ZEB1: variants seen among roughly 807,000 people sequenced by gnomAD.
The protein encoded by ZEB1 is zinc finger E-box binding homeobox 1.
In ZEB1, 21 loss-of-function variants were observed where a neutral mutation model predicts 84.9. That is an observed-to-expected ratio of 0.25 (90% CI 0.18 to 0.36). ZEB1 has a LOEUF of 0.36. Among genes scored for constraint, ZEB1 ranks in the 10% least tolerant of loss-of-function variants. ZEB1 has a pLI of 1.00. For synonymous variants in ZEB1, 420 were observed against 471.1 expected, an observed-to-expected ratio of 0.89 and a Z score of 1.41; for missense variants, 1,104 against 1,330.2, an observed-to-expected ratio of 0.83 and a Z score of 2.65.
At chr10:31,339,629 G>T (rs945730508) in intron 1 of ZEB1, among the ~76,000 whole-genome samples, 1 of 151,932 alleles carries the variant, frequency 6.6e-6, no homozygotes, top group African/African-American at 2.4e-5. Context: ...ACTTAGCCAG[G>T]TGTGGTGGTG....
chr10:31,374,653 A>C (rs2046288635), intron 1 of ZEB1: 1 of 151,820 alleles, frequency 6.6e-6, no homozygotes, highest in African/African-American at 2.4e-5. Flanking sequence ...AAAGCACAGA[A>C]CCTACACATT....
chr10:31,498,666 G>C lies in ZEB1; in HGVS notation c.322+2828G>C, dbSNP rs115629392. On this transcript the variant is annotated intron_variant, in intron 3 of 8. Coordinates refer to ENST00000424869, the MANE Select transcript of ZEB1 (RefSeq NM_001174096.2). The stretch of plus-strand genomic sequence containing the variant: ...AAATTTTTCATTTTAAATGTCAGTA[G>C]TTACAATTTAATTTCTGGCAGAGTA... Among the ~76,000 whole-genome samples, 847 of 151,926 alleles carry C rather than the reference G, an allele frequency of 5.6e-3. 12 individuals carry two copies. Among genetic ancestry groups the C allele is most frequent in the African/African-American group, 0.02 (812 of 41,466 alleles).
At chr10:31,409,091 G>T (rs1432947351) in intron 1 of ZEB1, among the ~76,000 whole-genome samples, 3 of 152,280 alleles carry the variant, frequency 2.0e-5, no homozygotes, top group African/African-American at 7.2e-5. Flanking sequence ...CAAAGGACAT[G>T]AACAGACACT....
At chr10:31,404,620 T>C (rs2052636601) in intron 1 of ZEB1, among the ~76,000 whole-genome samples, 1 of 150,296 alleles carries the variant, frequency 6.7e-6, no homozygotes, top group African/African-American at 2.5e-5. Context: ...TTATATCTCC[T>C]ATTCTTTTCT....
Position 31,435,335 on chromosome 10 carries a change from C to G in ZEB1, c.59-25702C>G, listed in dbSNP as rs191934628. On this transcript the variant is annotated intron_variant, in intron 1 of 8. Coordinates refer to ENST00000424869, the MANE Select transcript of ZEB1 (RefSeq NM_001174096.2). ...TTAGTCCAGTGAGACCCATATTGGG[C>G]ATCTAATTGTGAAATAATAAATGTA... Among the ~76,000 whole-genome samples, 197 of 152,302 alleles carry G rather than the reference C, an allele frequency of 1.3e-3. 1 individual carries two copies. The highest frequency in any genetic ancestry group is 4.3e-3 in the African/African-American group (180 of 41,564).
chr10:31,501,419 A>T (rs2068103300), intron 3 of ZEB1, among the ~76,000 whole-genome samples: 1 of 152,254 alleles, frequency 6.6e-6, no homozygotes, highest in African/African-American at 2.4e-5. Flanking sequence ...TTACTGAGGC[A>T]GAAATAGAGA....
intron 1 of ZEB1, among the ~76,000 whole-genome samples, chr10:31,339,710 C>T (rs1224035578): frequency 6.6e-6 from 1 of 151,060 alleles, no homozygotes; most frequent in Admixed American, 6.6e-5. Context: ...GCAGAGGTTG[C>T]AGTGAACTGA....
At chr10:31,492,744 C>T (rs1395720885) in intron 2 of ZEB1, among the ~76,000 whole-genome samples, 1 of 151,812 alleles carries the variant, frequency 6.6e-6, no homozygotes, top group East Asian at 1.9e-4. Context: ...AATAATCAGT[C>T]CTTCAGCTTA....
chr10:31,497,511 G>A (rs956406212), intron 3 of ZEB1, among the ~76,000 whole-genome samples: 1 of 152,106 alleles, frequency 6.6e-6, no homozygotes, highest in Non-Finnish European at 1.5e-5. Flanking sequence ...GGGGAGTTAG[G>A]AGTAAGCAAA....
intron 6 of ZEB1, among the ~76,000 whole-genome samples, chr10:31,519,922 A>G (rs2139774401): frequency 6.6e-6 from 1 of 152,342 alleles, no homozygotes; most frequent in East Asian, 1.9e-4. Context: ...TTAGCAGAAC[A>G]TGTACCTCAG....
intron 1 of ZEB1, among the ~76,000 whole-genome samples, chr10:31,430,738 A>G (rs555231188): frequency 1.7e-3 from 260 of 152,354 alleles, no homozygotes; most frequent in Middle Eastern, 3.4e-3. Context: ...AAATCAGTCT[A>G]TGGAAATATA....
At chr10:31,470,448 G>T (rs2063070437) in intron 2 of ZEB1, among the ~76,000 whole-genome samples, 2 of 151,064 alleles carry the variant, frequency 1.3e-5, no homozygotes, top group African/African-American at 2.5e-5. Context: ...CGATCAACTG[G>T]AAGAAAGGGT....
At position 31,433,133 on chromosome 10, in the gene ZEB1, C is replaced by G. The variant is rs144221277; in HGVS notation, c.59-27904C>G. On this transcript the variant is annotated intron_variant, in intron 1 of 8. Coordinates refer to ENST00000424869, the MANE Select transcript of ZEB1 (RefSeq NM_001174096.2). Reference sequence around the variant, plus strand: ...ATAGTTACATTAAAAAATCACTGCTCTCTTGAACTTTGAGTGGGCCTTTTA... The same window carrying G: ...ATAGTTACATTAAAAAATCACTGCTGTCTTGAACTTTGAGTGGGCCTTTTA... 7.0e-3 allele frequency among the ~76,000 whole-genome samples: 1,063 copies of G among 152,312 alleles called. 12 individuals carry two copies. The highest frequency in any genetic ancestry group is 0.024 in the African/African-American group (977 of 41,564).
chr10:31,391,231 T>TTGTGTGTGTGTGTGTGTGTGTGTG (rs780805467), intron 1 of ZEB1, among the ~76,000 whole-genome samples: 1 of 134,690 alleles, frequency 7.4e-6, no homozygotes. Flanking sequence ...ACAGGTAAGT[T>TTGTGTGTGTGTGTGTGTGTGTGTG]TGTGTGTGTG....
rs747913512 is a variant in ZEB1 at position 31,520,465 on chromosome 10, G to C, written c.1133G>C (p.Gly378Ala). 7.4e-6 allele frequency: 12 copies of C among 1,614,000 alleles called. No homozygotes were observed. The highest frequency in any genetic ancestry group is 1.3e-5 in the African/African-American group (1 of 75,034). The change falls in exon 7 of 9, where the codon GGT (glycine) becomes GCT (alanine). Residue 378 changes from glycine to alanine, a missense_variant. By Grantham distance (60) the Gly-to-Ala change is moderately conservative (BLOSUM62 0). This residue lies in a region of ZEB1 where 111 missense variants were observed against 161.8 expected (regional missense o/e 0.69). Transcript: ENST00000424869. This position sits in a 1 kb window ranked among gnomAD's most constrained non-coding sequence, Gnocchi z 5.1. ...CCTTTACAAAATGGGGTTTTCACTG[G>C]TGGTGGCCCATTACAGGCAACCAGT... ...STPLQNGVFT[G>A]GGPLQATSSP...
At chr10:31,431,772 C>G (rs2057743022) in intron 1 of ZEB1, among the ~76,000 whole-genome samples, 1 of 152,070 alleles carries the variant, frequency 6.6e-6, no homozygotes, top group Non-Finnish European at 1.5e-5. Flanking sequence ...ATCAGATGTA[C>G]AGAACTCACA....
intron 1 of ZEB1, among the ~76,000 whole-genome samples, chr10:31,434,865 C>T (rs1228053897): frequency 1.3e-5 from 2 of 152,114 alleles, no homozygotes; most frequent in Non-Finnish European, 2.9e-5. Flanking sequence ...TCTTATATGC[C>T]TTTGTTATGC....
At chr10:31,451,314 G>T (rs982500844) in intron 1 of ZEB1, among the ~76,000 whole-genome samples, 2 of 151,960 alleles carry the variant, frequency 1.3e-5, no homozygotes, top group Non-Finnish European at 2.9e-5. Context: ...TTGAACATTC[G>T]TGCTGCTTAA....
intron 3 of ZEB1, among the ~76,000 whole-genome samples, chr10:31,501,220 ATAC>A (rs1591908214): frequency 6.6e-6 from 1 of 152,246 alleles, no homozygotes; most frequent in East Asian, 1.9e-4. Context: ...TTTGGGAGCC[ATAC>A]TAAGGCATTG....
Sources: gnomAD v4.1 joint callset for allele counts (sites outside exome capture counted in the v4.1 genomes callset) on GRCh38, gnomAD v4.1.1 for gene constraint, gnomAD v4.1.1 regional missense constraint, Gnocchi (gnomAD v3.1) non-coding constraint, MANE v1.5 for transcripts, NCBI Gene and HGNC (gene_info 2026-07-23, HGNC 2026-07-21) for gene names.